The following SLC35F3 variants were observed in gnomAD, a reference collection of about 807,000 sequenced individuals.
The protein encoded by SLC35F3 is solute carrier family 35 member F3, also known as putative thiamine transporter SLC35F3.
A neutral mutation model predicts 49.9 loss-of-function variants in SLC35F3; 25 were observed. The ratio of observed to expected loss-of-function variants is 0.50; its 90% CI spans 0.37 to 0.70. The LOEUF is 0.70. Ranked by LOEUF, SLC35F3 falls within the 30% of genes least tolerant of loss-of-function variation. The pLI is 0.00. For synonymous variants in SLC35F3, 275 were observed against 265.4 expected (o/e 1.04, Z -0.35); for missense variants, 525 against 639.8 (o/e 0.82, Z 1.94).
chr1:234,167,612 T>C (rs752432129), intron 2 of SLC35F3, among the ~76,000 whole-genome samples: 2 of 152,186 alleles, frequency 1.3e-5, no homozygotes. Context: ...TTCAGAGTGC[T>C]TTCATATCTA....
chr1:233,954,596 A>G (rs558078626), intron 2 of SLC35F3, among the ~76,000 whole-genome samples: 1 of 152,328 alleles, frequency 6.6e-6, no homozygotes, highest in African/African-American at 2.4e-5. Flanking sequence ...ACAATGAAAT[A>G]TATACAGAAG....
chr1:234,205,416 G>A (rs1468991843), intron 2 of SLC35F3, among the ~76,000 whole-genome samples: 1 of 152,330 alleles, frequency 6.6e-6, no homozygotes, highest in South Asian at 2.1e-4. Context: ...AGCTGAGATC[G>A]CGCCAGTGCA....
intron 3 of SLC35F3, among the ~76,000 whole-genome samples, chr1:234,270,206 C>T (rs77274365): frequency 0.12 from 18,257 of 152,140 alleles, 1,491 homozygotes; most frequent in African/African-American, 0.23. Context: ...ATTTTGTTTT[C>T]GTTCATTTTG....
At chr1:233,927,476 T>C (rs1558180941) in intron 2 of SLC35F3, among the ~76,000 whole-genome samples, 1 of 152,174 alleles carries the variant, frequency 6.6e-6, no homozygotes, top group Non-Finnish European at 1.5e-5. Context: ...CTAGCAGTAA[T>C]ACTCATGTAT....
intron 2 of SLC35F3, among the ~76,000 whole-genome samples, chr1:234,025,865 C>G (rs1361487491): frequency 1.5e-5 from 2 of 137,666 alleles, no homozygotes; most frequent in Non-Finnish European, 3.4e-5. Flanking sequence ...GGGAACTTAA[C>G]CATAAATTAT....
chr1:234,185,204 G>T (rs548177116), intron 2 of SLC35F3, among the ~76,000 whole-genome samples: 2 of 152,290 alleles, frequency 1.3e-5, no homozygotes, highest in South Asian at 4.2e-4. Flanking sequence ...GTGTACGCTG[G>T]TTCTGGGAAG....
chr1:233,941,541 G>A (rs1204868819), intron 2 of SLC35F3, among the ~76,000 whole-genome samples: 1 of 152,132 alleles, frequency 6.6e-6, no homozygotes, highest in Non-Finnish European at 1.5e-5. Flanking sequence ...TACACAGTTT[G>A]TGCCCAGAAC....
intron 3 of SLC35F3, among the ~76,000 whole-genome samples, chr1:234,278,219 G>A (rs113419467): frequency 0.062 from 9,380 of 152,010 alleles, 343 homozygotes; most frequent in African/African-American, 0.098. Context: ...GGCCGGGTGC[G>A]GTGGCTCATG....
At chr1:234,227,072 C>G (rs1187238077) in intron 2 of SLC35F3, among the ~76,000 whole-genome samples, 1 of 152,124 alleles carries the variant, frequency 6.6e-6, no homozygotes, top group African/African-American at 2.4e-5. Context: ...GTAGCATAAA[C>G]AGAATTTAGA....
intron 2 of SLC35F3, among the ~76,000 whole-genome samples, chr1:234,126,869 A>T (rs1050062588): frequency 9.2e-5 from 14 of 152,038 alleles, no homozygotes; most frequent in African/African-American, 2.9e-4. Flanking sequence ...CTAATTTTTT[A>T]ATTTTTGTGT....
At chr1:234,115,447 C>G (rs977861094) in intron 2 of SLC35F3, among the ~76,000 whole-genome samples, 1 of 152,176 alleles carries the variant, frequency 6.6e-6, no homozygotes, top group African/African-American at 2.4e-5. Flanking sequence ...TCCCCAGGAA[C>G]ATTCCACTGC....
intron 2 of SLC35F3, among the ~76,000 whole-genome samples, chr1:233,940,303 G>A (rs553834866): frequency 1.1e-4 from 17 of 151,800 alleles, no homozygotes; most frequent in Non-Finnish European, 2.4e-4. Flanking sequence ...TTCTATTTAA[G>A]TATTTGGGTT....
intron 2 of SLC35F3, among the ~76,000 whole-genome samples, chr1:234,000,036 A>G (rs1663527385): frequency 6.6e-6 from 1 of 152,228 alleles, no homozygotes; most frequent in Non-Finnish European, 1.5e-5. Context: ...AAAGGGCTAT[A>G]TAAAATCACA....
At chr1:234,274,930 G>A (rs1668176020) in intron 3 of SLC35F3, among the ~76,000 whole-genome samples, 1 of 152,174 alleles carries the variant, frequency 6.6e-6, no homozygotes, top group African/African-American at 2.4e-5. Context: ...AAATGAAAAA[G>A]AATGAGTTCT....
Position 234,309,313 on chromosome 1 carries a change from G to C in SLC35F3, c.821G>C (p.Gly274Ala), listed in dbSNP as rs778377145. 5.0e-6 allele frequency: 8 copies of C among 1,614,122 alleles called. No individual in the cohort carries two copies. Among genetic ancestry groups the C allele is most frequent in the Non-Finnish European group, 5.9e-6 (7 of 1,179,968 alleles). Residue 274 changes from glycine to alanine, a missense_variant, in exon 4 of 8, where the codon GGA becomes GCA. Physicochemically the swap from Gly to Ala is moderately conservative, Grantham distance 60. This residue lies in a region of SLC35F3 where 216 missense variants were observed against 298.1 expected (regional missense o/e 0.72). Coordinates refer to ENST00000366618, the MANE Select transcript of SLC35F3 (RefSeq NM_173508.4). ...ATCGTTCTCAGGGACAGATTCATGG[G>C]AGTGAGGGTAAGTTCCTTATTATCT... is the stretch of plus-strand genomic sequence containing the variant. ...SWIVLRDRFM[G>A]VRIVAAILAI...
chr1:234,166,688 CAGGA>C (rs1369422618), intron 2 of SLC35F3, among the ~76,000 whole-genome samples: 1 of 152,156 alleles, frequency 6.6e-6, no homozygotes, highest in Non-Finnish European at 1.5e-5. Flanking sequence ...TAGGAGGGAG[CAGGA>C]AGGCCCTCTA....
chr1:233,969,709 G>A (rs1662960983), intron 2 of SLC35F3, among the ~76,000 whole-genome samples: 2 of 152,364 alleles, frequency 1.3e-5, no homozygotes, highest in African/African-American at 4.8e-5. Context: ...ACCTGAAATA[G>A]TAATCGTATG....
intron 2 of SLC35F3, among the ~76,000 whole-genome samples, chr1:234,024,149 A>G (rs1244001470): frequency 6.6e-6 from 1 of 152,182 alleles, no homozygotes; most frequent in Admixed American, 6.5e-5. Flanking sequence ...TGAGGGGTAT[A>G]TAGGAACCCT....
At chr1:233,998,630 C>A (rs1191856643) in intron 2 of SLC35F3, among the ~76,000 whole-genome samples, 1 of 151,728 alleles carries the variant, frequency 6.6e-6, no homozygotes, top group Admixed American at 6.6e-5. Context: ...CTCTAATGAA[C>A]TGTTCAACTC....
Sources: allele counts gnomAD v4.1 joint callset (sites outside exome capture counted in the v4.1 genomes callset), GRCh38; gene constraint gnomAD v4.1.1; regional missense constraint gnomAD v4.1.1; transcripts MANE v1.5; gene names NCBI Gene and HGNC (gene_info 2026-07-23, HGNC 2026-07-21).